Variants in AGMO observed in about 807,000 individuals in gnomAD.
AGMO encodes the protein alkylglycerol monooxygenase.
A neutral mutation model predicts 60.2 loss-of-function variants in AGMO; 75 were observed. The observed-to-expected ratio is 1.25, with a 90% CI of 1.03 to 1.51. AGMO has a LOEUF of 1.51. Among genes scored for constraint, AGMO ranks in the 40% most tolerant of loss-of-function variants. AGMO has a pLI of 0.00. For synonymous variants in AGMO, 261 were observed against 177.1 expected (o/e 1.47, Z -3.76); for missense variants, 763 against 525.5 (o/e 1.45, Z -4.42).
chr7:15,342,410 G>A (rs1781884454), intron 12 of AGMO, among the ~76,000 whole-genome samples: 1 of 151,888 alleles, frequency 6.6e-6, no homozygotes, highest in Non-Finnish European at 1.5e-5. Context: ...CTCTACCTAA[G>A]CAAAGTATGT....
chr7:15,286,755 C>A (rs1784111591), intron 12 of AGMO, among the ~76,000 whole-genome samples: 2 of 151,992 alleles, frequency 1.3e-5, no homozygotes, highest in African/African-American at 2.4e-5. Context: ...GATATTATAT[C>A]AAAAAGACAT....
At chr7:15,195,755 T>C (rs1781102179), downstream of AGMO, among the ~76,000 whole-genome samples, 1 of 152,210 alleles carries the variant, frequency 6.6e-6, no homozygotes, top group Non-Finnish European at 1.5e-5. Flanking sequence ...GAGCTGCTTT[T>C]CTTTAAAAGG....
chr7:15,385,664 T>TA (rs1183236871), intron 9 of AGMO, 102 bp from the exon 10 acceptor site: 11 of 704,808 alleles, frequency 1.6e-5, no homozygotes, highest in Non-Finnish European at 2.2e-5. Context: ...CTATTTTTTT[T>TA]AAAAAAAGAC....
At chr7:15,311,555 C>T (rs1357361635) in intron 12 of AGMO, among the ~76,000 whole-genome samples, 1 of 152,156 alleles carries the variant, frequency 6.6e-6, no homozygotes, top group Non-Finnish European at 1.5e-5. Flanking sequence ...AAGTTTGTAT[C>T]AGTTAGGTGG....
At chr7:15,389,291 G>A (rs1038075620) in intron 8 of AGMO, among the ~76,000 whole-genome samples, 2 of 124,222 alleles carry the variant, frequency 1.6e-5, no homozygotes, top group Admixed American at 7.8e-5. Context: ...GCCCCTAGAG[G>A]ATAGAGATGA....
intron 3 of AGMO, among the ~76,000 whole-genome samples, chr7:15,534,748 C>T (rs897265724): frequency 2.6e-5 from 4 of 151,516 alleles, no homozygotes; most frequent in Non-Finnish European, 5.9e-5. Context: ...TTATAAGGTC[C>T]TTTATGAAGT....
Position 15,208,071 on chromosome 7 carries a change from C to T in AGMO, c.1264-6712G>A, listed in dbSNP as rs1440069120. On this transcript the variant is annotated intron_variant, in intron 12 of 12. Transcript: ENST00000342526. Reference sequence around the variant, plus strand: ...ATAAATCATGAATCACAAATTATGCCTGTGATTTATAAATAATGAATATAT... The same window carrying T: ...ATAAATCATGAATCACAAATTATGCTTGTGATTTATAAATAATGAATATAT... Among the ~76,000 whole-genome samples the T allele has an allele frequency of 4.6e-5, 7 of 152,244 alleles. No individual in the cohort carries two copies. The South Asian group carries it at 1.2e-3, about 27-fold the overall frequency.
At position 15,298,232 on chromosome 7, in the gene AGMO, A is replaced by G. The variant is rs78478356; in HGVS notation, c.1263+67282T>C. Among the ~76,000 whole-genome samples, 721 of 152,312 alleles carry G rather than the reference A, an allele frequency of 4.7e-3. 6 individuals are homozygous for G. The highest frequency in any genetic ancestry group is 0.016 in the African/African-American group (679 of 41,568). ...TATTAATGTGATAAAAAATGCAGTAAGAATATTTAATTAGCTCAACACATA... is the reference window on the plus strand; with the variant it reads ...TATTAATGTGATAAAAAATGCAGTAGGAATATTTAATTAGCTCAACACATA... On this transcript the variant is annotated intron_variant, in intron 12 of 12. Transcript: ENST00000342526.
At chr7:15,383,252 A>G (rs1783766900) in intron 10 of AGMO, among the ~76,000 whole-genome samples, 1 of 152,192 alleles carries the variant, frequency 6.6e-6, no homozygotes. Context: ...CACAGTTTAC[A>G]GGAGAATTTG....
intron 3 of AGMO, among the ~76,000 whole-genome samples, chr7:15,537,153 C>G (rs895249621): frequency 6.6e-6 from 1 of 152,082 alleles, no homozygotes; most frequent in Non-Finnish European, 1.5e-5. Flanking sequence ...ACATAACCTT[C>G]CATCTTACTT....
chr7:15,164,325 G>C, the AGMO span, among the ~76,000 whole-genome samples: 5 of 151,952 alleles, frequency 3.3e-5, no homozygotes, highest in African/African-American at 1.2e-4. Flanking sequence ...TCTGGACATT[G>C]GCCTAGGTAA....
chr7:15,530,511 A>ATATATATATTCTATATACGTATTTC (rs1583652821), intron 3 of AGMO, among the ~76,000 whole-genome samples: 13 of 17,456 alleles, frequency 7.4e-4, no homozygotes, highest in South Asian at 1.3e-3. Context: ...ACGTATTTCT[A>ATATATATATTCTATATACGTATTTC]TATATATATT....
At chr7:15,365,395 A>AAAAAAAAAAAAAT in intron 12 of AGMO, 119 bp downstream of exon 12, 1 of 477,682 alleles carries the variant, frequency 2.1e-6, no homozygotes, top group East Asian at 3.7e-5. Flanking sequence ...AAAAAAAAAA[A>AAAAAAAAAAAAAT]GATCAAGATT....
chr7:15,209,658 G>A (rs1202539681), intron 12 of AGMO, among the ~76,000 whole-genome samples: 1 of 152,042 alleles, frequency 6.6e-6, no homozygotes, highest in Non-Finnish European at 1.5e-5. Context: ...ATGGTTTCTC[G>A]CCTAAGTCTC....
At chr7:15,196,656 A>T (rs547818629), downstream of AGMO, among the ~76,000 whole-genome samples, 1 of 152,320 alleles carries the variant, frequency 6.6e-6, no homozygotes, top group Non-Finnish European at 1.5e-5. Context: ...TGTTCCCAAC[A>T]GTCATTTCCG....
At chr7:15,269,069 C>T (rs1000505427) in intron 12 of AGMO, among the ~76,000 whole-genome samples, 2 of 151,968 alleles carry the variant, frequency 1.3e-5, no homozygotes, top group African/African-American at 4.8e-5. Context: ...GCATTGTGGG[C>T]CATACACGTT....
At chr7:15,269,076 C>A (rs1423634033) in intron 12 of AGMO, among the ~76,000 whole-genome samples, 1 of 152,058 alleles carries the variant, frequency 6.6e-6, no homozygotes, top group Admixed American at 6.6e-5. Context: ...GGGCCATACA[C>A]GTTTTGTTCC....
intron 12 of AGMO, among the ~76,000 whole-genome samples, chr7:15,248,130 G>A (rs35990236): frequency 0.32 from 41,396 of 130,480 alleles, 7,986 homozygotes; most frequent in East Asian, 0.51. Flanking sequence ...GGTGTAAGAC[G>A]AGTTTAAACA....
At chr7:15,237,380 T>A (rs1242566297) in intron 12 of AGMO, among the ~76,000 whole-genome samples, 2 of 152,136 alleles carry the variant, frequency 1.3e-5, no homozygotes, top group Non-Finnish European at 2.9e-5. Flanking sequence ...TTATATTTCC[T>A]GTGTTTGTCA....
Sources: allele counts gnomAD v4.1 joint callset (sites outside exome capture counted in the v4.1 genomes callset), GRCh38; gene constraint gnomAD v4.1.1; transcripts MANE v1.5; gene names NCBI Gene and HGNC (gene_info 2026-07-23, HGNC 2026-07-21).